VPS41: variants seen among roughly 807,000 people sequenced by gnomAD.
VPS41 encodes the protein VPS41 subunit of HOPS complex.
In VPS41, 85 loss-of-function variants were observed where a neutral mutation model predicts 130.9. The ratio of observed to expected loss-of-function variants is 0.65; its 90% confidence interval spans 0.55 to 0.78. The LOEUF is 0.78. Ranked by LOEUF, VPS41 falls within the 30% of genes least tolerant of loss-of-function variation. The probability of loss-of-function intolerance (pLI) is 0.00; values close to 1 mark genes in which losing one functional copy is unlikely to be tolerated. For synonymous variants in VPS41, 335 were observed against 332.9 expected, an observed-to-expected ratio of 1.01 and a Z score of -0.07; for missense variants, 874 against 1,018.7, an observed-to-expected ratio of 0.86 and a Z score of 1.93.
intron 14 of VPS41, among the ~76,000 whole-genome samples, chr7:38,768,297 A>C (rs1473344834): frequency 4.6e-5 from 7 of 152,184 alleles, no homozygotes; most frequent in Admixed American, 4.6e-4. Flanking sequence ...TTTGCACCTA[A>C]AAGTATTTTC....
chr7:38,737,224 T>G (rs576789706), intron 25 of VPS41, among the ~76,000 whole-genome samples: 3 of 152,096 alleles, frequency 2.0e-5, no homozygotes, highest in Admixed American at 2.0e-4. Context: ...ATACAAAAAT[T>G]AGCTGGGTAT....
At chr7:38,891,316 G>A (rs1272374455) in intron 2 of VPS41, among the ~76,000 whole-genome samples, 1 of 152,184 alleles carries the variant, frequency 6.6e-6, no homozygotes, top group Non-Finnish European at 1.5e-5. Flanking sequence ...TTTAGAAAAT[G>A]AAGGCAGATA....
At chr7:38,879,818 G>A (rs1390720703) in intron 2 of VPS41, among the ~76,000 whole-genome samples, 2 of 151,322 alleles carry the variant, frequency 1.3e-5, no homozygotes, top group African/African-American at 2.4e-5. Context: ...GTGGGTTGGA[G>A]ACCCCTGCTG....
intron 11 of VPS41, among the ~76,000 whole-genome samples, chr7:38,776,079 T>C (rs890098111): frequency 1.3e-5 from 2 of 152,158 alleles, no homozygotes; most frequent in African/African-American, 2.4e-5. Context: ...ACCCATCCAC[T>C]GGGCAATATA....
chr7:38,806,713 T>C (rs1031246133), intron 7 of VPS41, among the ~76,000 whole-genome samples: 3 of 152,218 alleles, frequency 2.0e-5, no homozygotes, highest in Non-Finnish European at 4.4e-5. Context: ...ATTTTATTTC[T>C]ACAGAAAAGG....
chr7:38,813,218 A>G (rs904129802), intron 7 of VPS41, among the ~76,000 whole-genome samples: 2 of 152,228 alleles, frequency 1.3e-5, no homozygotes, highest in African/African-American at 4.8e-5. Context: ...GATACATGCC[A>G]CAACATTGAT....
chr7:38,765,867 T>TA, intron 15 of VPS41: 1 of 440,758 alleles, frequency 2.3e-6, no homozygotes, highest in Middle Eastern at 5.7e-4. Flanking sequence ...ACACAACTTA[T>TA]AAAAGTTAAT....
At chr7:38,879,783 A>G (rs1194653355) in intron 2 of VPS41, among the ~76,000 whole-genome samples, 1 of 151,474 alleles carries the variant, frequency 6.6e-6, no homozygotes, top group Non-Finnish European at 1.5e-5. Flanking sequence ...GGTAATGCTC[A>G]CTCCCCCACT....
intron 2 of VPS41, among the ~76,000 whole-genome samples, chr7:38,873,472 C>A (rs1310787553): frequency 1.3e-5 from 2 of 152,058 alleles, no homozygotes; most frequent in East Asian, 3.9e-4. Flanking sequence ...GGTTTTCATG[C>A]AGTTTGGACT....
rs772712776 is a variant in VPS41 at position 38,772,606 on chromosome 7, G to A, written c.1044C>T (p.Ile348=). ...EYSEGESLFY[I]VSPRDVVVAK... is the part of the protein sequence containing the mutation. The stretch of plus-strand genomic sequence containing the variant: ...CCACTACAACATCTCTCGGACTCAC[G>A]ATGTAAAAAAGTGATTCCCCTTCAG... Residue 348 remains isoleucine (I), a synonymous_variant, in exon 13 of 29, where the codon ATC becomes ATT. Coordinates refer to ENST00000310301, the MANE Select transcript of VPS41 (RefSeq NM_014396.4). The A allele has an allele frequency of 2.5e-6, 4 of 1,612,854 alleles. No homozygotes were observed. The South Asian group carries it at 3.3e-5, about 13-fold the overall frequency.
intron 5 of VPS41, among the ~76,000 whole-genome samples, chr7:38,821,706 C>CAAAAAA (rs10669199): frequency 1.7e-5 from 2 of 117,516 alleles, no homozygotes; most frequent in Non-Finnish European, 1.7e-5. Context: ...GACTCCGTCT[C>CAAAAAA]AAAAAAAAAA....
rs758085534 is a variant in VPS41, at chr7:38,752,258, T to A, written c.1844A>T (p.Lys615Ile). Reference protein sequence around the residue: ...DHHKGQRYHEKQISLYAEYDR... With the variant: ...DHHKGQRYHEIQISLYAEYDR... ...ATATTCAGCATAAAGACTGATCTGT[T>A]TTTCATGGTAACGCTGCCCCTTATG... Residue 615 changes from lysine to isoleucine, a missense_variant, in exon 22 of 29, where the codon AAA (lysine) becomes ATA (isoleucine). Transcript: ENST00000310301. The A allele has an allele frequency of 2.5e-6, 4 of 1,613,968 alleles. No homozygotes were observed. Among genetic ancestry groups the A allele is most frequent in the Admixed American group, 3.3e-5 (2 of 60,010 alleles).
intron 10 of VPS41, among the ~76,000 whole-genome samples, chr7:38,778,911 G>C (rs1256367809): frequency 1.3e-5 from 2 of 152,150 alleles, no homozygotes; most frequent in Non-Finnish European, 2.9e-5. Context: ...ATACAGAACA[G>C]AGAAACTACG....
In VPS41 at chr7:38,808,691, G is replaced by T. The variant is rs199587916; in HGVS notation, c.450+9126C>A. 2.0e-5 allele frequency among the ~76,000 whole-genome samples: 3 copies of T among 152,166 alleles called. No individual in the cohort carries two copies. The East Asian group carries it at 5.8e-4, about 29-fold the overall frequency. ...GGTAGAAGGCTACAATCAAGCATCT[G>T]AAAACTTGCGGAAATACTATCCTAG... On this transcript the variant is annotated intron_variant, in intron 7 of 28. Transcript: ENST00000310301.
At chr7:38,798,206 T>C (rs73113689) in intron 7 of VPS41, among the ~76,000 whole-genome samples, 13,857 of 152,068 alleles carry the variant, frequency 0.091, 846 homozygotes, top group African/African-American at 0.17. Context: ...CCCAGAAATG[T>C]AGGAAAGGGG....
At chr7:38,884,835 A>G (rs1249518320) in intron 2 of VPS41, among the ~76,000 whole-genome samples, 2 of 152,130 alleles carry the variant, frequency 1.3e-5, no homozygotes, top group Non-Finnish European at 2.9e-5. Flanking sequence ...CAGACCTCAA[A>G]ACACTTCACT....
intron 25 of VPS41, among the ~76,000 whole-genome samples, chr7:38,740,012 A>G (rs1795851274): frequency 6.6e-6 from 1 of 152,232 alleles, no homozygotes; most frequent in Non-Finnish European, 1.5e-5. Context: ...CTGAGATCAC[A>G]GTGGTGCCCA....
chr7:38,796,577 A>C (rs1784624984), intron 8 of VPS41, 168 bp downstream of exon 8: 1 of 974,068 alleles, frequency 1.0e-6, no homozygotes, highest in African/African-American at 1.6e-5. Context: ...TGAAAGCCAA[A>C]AGCAATCTAA....
intron 11 of VPS41, among the ~76,000 whole-genome samples, chr7:38,774,895 T>C (rs189735379): frequency 4.5e-4 from 68 of 152,104 alleles, no homozygotes; most frequent in African/African-American, 1.5e-3. Context: ...AACACCTTAA[T>C]AAATTAAAGT....
Sources: gnomAD v4.1 joint callset for allele counts (sites outside exome capture counted in the v4.1 genomes callset) on GRCh38, gnomAD v4.1.1 for gene constraint, MANE v1.5 for transcripts, NCBI Gene and HGNC (gene_info 2026-07-23, HGNC 2026-07-21) for gene names.